Variants in MRPS35 observed in about 807,000 individuals in gnomAD.
The protein encoded by MRPS35 is small ribosomal subunit protein mS35.
MRPS35 carries 29 observed loss-of-function variants against 32.7 expected under a neutral mutation model. That is an observed-to-expected ratio of 0.89 (90% CI 0.66 to 1.21). The LOEUF is 1.21. Ranked by LOEUF, MRPS35 falls within the 50% of genes most tolerant of loss-of-function variation. The pLI is 0.00. For missense variants in MRPS35, 373 were observed against 383.8 expected, an observed-to-expected ratio of 0.97 and a Z score of 0.23; for synonymous variants, 148 against 139.3, an observed-to-expected ratio of 1.06 and a Z score of -0.44.
At chr12:27,716,641 G>A (rs983972269) in intron 3 of MRPS35, among the ~76,000 whole-genome samples, 183 bp downstream of exon 3, 1 of 152,170 alleles carries the variant, frequency 6.6e-6, no homozygotes, top group African/African-American at 2.4e-5. Context: ...AATAGGTGTT[G>A]TATTTTGATT....
chr12:27,722,041 A>T (rs1440021462), intron 4 of MRPS35, among the ~76,000 whole-genome samples: 1 of 152,216 alleles, frequency 6.6e-6, no homozygotes, highest in Non-Finnish European at 1.5e-5. Flanking sequence ...AAAATAAAAA[A>T]GTTTAAAAAA....
rs1196877667 is a variant in MRPS35 at position 27,755,179 on chromosome 12, A to G, written c.703-2A>G. The G allele has an allele frequency of 1.3e-6, 2 of 1,505,466 alleles. No individual in the cohort carries two copies. Among genetic ancestry groups the G allele is most frequent in the Non-Finnish European group, 1.8e-6 (2 of 1,132,338 alleles). 93.3% of individuals were successfully genotyped at this position (1,505,466 alleles called of 1,614,324 possible). ...ATTTTTTTTTGTTTTGTTTTGTTTCAGAATACTGAAGAATGGGAAAAAAGT... is the reference window on the plus strand; with the variant it reads ...ATTTTTTTTTGTTTTGTTTTGTTTCGGAATACTGAAGAATGGGAAAAAAGT... On this transcript the variant is annotated splice_acceptor_variant, in intron 7 of 7. Transcript: ENST00000081029. LOFTEE classifies it high-confidence loss of function.
chr12:27,745,017 G>A (rs35622515), intron 7 of MRPS35, among the ~76,000 whole-genome samples: 6 of 152,038 alleles, frequency 3.9e-5, no homozygotes, highest in East Asian at 1.9e-4. Context: ...GTGCAGTGGC[G>A]TGATCTCGGC....
intron 7 of MRPS35, among the ~76,000 whole-genome samples, chr12:27,747,834 C>T (rs945675646): frequency 6.6e-6 from 1 of 152,106 alleles, no homozygotes; most frequent in Non-Finnish European, 1.5e-5. Flanking sequence ...AAAAGAGGTT[C>T]AAGTTATGTT....
intron 7 of MRPS35, among the ~76,000 whole-genome samples, chr12:27,754,647 G>A (rs1280141737): frequency 3.3e-5 from 5 of 150,902 alleles, no homozygotes; most frequent in African/African-American, 1.2e-4. Context: ...GGCGCCTGTA[G>A]TCCCAGCTAC....
rs764103720 is a variant in MRPS35, at chr12:27,710,909, C to G, written c.66C>G (p.Phe22Leu). Residue 22 changes from phenylalanine to leucine, a missense_variant, in exon 1 of 8, where the codon TTC becomes TTG. Phe to Leu is a conservative substitution (Grantham distance 22, BLOSUM62 0). Coordinates refer to ENST00000081029, the MANE Select transcript of MRPS35 (RefSeq NM_021821.4). The part of the protein sequence containing the change: ...LQSRARTLRA[F>L]STAVYSATPV... ...CGAGGGCAAGGACTCTGCGTGCATT[C>G]TCCACTGCCGTCTACTCGGCCACTC... 6.2e-7 allele frequency: 1 copy of G among 1,613,260 alleles called. No individual in the cohort carries two copies. Among genetic ancestry groups the G allele is most frequent in the Non-Finnish European group, 8.5e-7 (1 of 1,179,918 alleles).
At chr12:27,723,919 G>A in intron 4 of MRPS35, 128 bp from the exon 5 acceptor site, 1 of 855,990 alleles carries the variant, frequency 1.2e-6, no homozygotes, top group Non-Finnish European at 1.8e-6. Flanking sequence ...TATGTAAAGT[G>A]CAGAAGAGAA....
intron 5 of MRPS35, 109 bp downstream of exon 5, chr12:27,724,295 T>C (rs1259915119): frequency 6.0e-6 from 6 of 1,004,202 alleles, no homozygotes; most frequent in Middle Eastern, 3.0e-4. Context: ...TCCCAGCACT[T>C]TGGGAGGCCA....
intron 4 of MRPS35, among the ~76,000 whole-genome samples, chr12:27,722,990 C>T (rs1467892241): frequency 6.6e-6 from 1 of 152,208 alleles, no homozygotes; most frequent in Non-Finnish European, 1.5e-5. Flanking sequence ...AGAGCTCCCA[C>T]ATCTGCCTGT....
At chr12:27,741,342 CTATT>C (rs1182814768) in intron 7 of MRPS35, among the ~76,000 whole-genome samples, 2 of 151,608 alleles carry the variant, frequency 1.3e-5, no homozygotes, top group African/African-American at 4.9e-5. Flanking sequence ...ATAGCCTCGA[CTATT>C]TAACCTCTGA....
intron 2 of MRPS35, among the ~76,000 whole-genome samples, chr12:27,716,062 G>A (rs2140753006): frequency 1.3e-5 from 2 of 152,272 alleles, no homozygotes; most frequent in Middle Eastern, 6.8e-3. Context: ...TGATATTAAA[G>A]GGGATCCTTG....
chr12:27,725,522 G>T, intron 5 of MRPS35: 1 of 184,696 alleles, frequency 5.4e-6, no homozygotes, highest in Non-Finnish European at 1.1e-5. Flanking sequence ...AGAACTATGA[G>T]GTCAAAGGAT....
At chr12:27,750,735 G>GT (rs2061998611) in intron 7 of MRPS35, among the ~76,000 whole-genome samples, 1 of 152,170 alleles carries the variant, frequency 6.6e-6, no homozygotes, top group African/African-American at 2.4e-5. Flanking sequence ...AGCTTAGGAA[G>GT]TTGAGGCTGC....
chr12:27,751,309 C>G (rs1447607677), intron 7 of MRPS35, among the ~76,000 whole-genome samples: 1 of 152,060 alleles, frequency 6.6e-6, no homozygotes, highest in African/African-American at 2.4e-5. Context: ...ATACATTATT[C>G]CATAGTGCAG....
intron 5 of MRPS35, among the ~76,000 whole-genome samples, chr12:27,733,883 TA>T (rs2061932065): frequency 6.6e-6 from 1 of 152,230 alleles, no homozygotes; most frequent in Non-Finnish European, 1.5e-5. Flanking sequence ...CACAGTGCTT[TA>T]AAAAACAATA....
intron 3 of MRPS35, among the ~76,000 whole-genome samples, 157 bp from the exon 4 acceptor site, chr12:27,719,651 C>A (rs569764636): frequency 1.4e-5 from 2 of 144,258 alleles, no homozygotes; most frequent in Non-Finnish European, 3.0e-5. Context: ...CCGGCCTGGG[C>A]GACAGAGCGA....
intron 5 of MRPS35, among the ~76,000 whole-genome samples, chr12:27,726,093 A>C (rs2061899419): frequency 6.6e-6 from 1 of 151,966 alleles, no homozygotes; most frequent in Admixed American, 6.5e-5. Context: ...TACAGATGTG[A>C]GCCACCACTA....
intron 7 of MRPS35, among the ~76,000 whole-genome samples, chr12:27,751,085 AGAGT>A (rs1469258878): frequency 7.7e-6 from 1 of 129,830 alleles, no homozygotes; most frequent in East Asian, 2.6e-4. Flanking sequence ...CCTGGGTGAC[AGAGT>A]GAGACTCCAT....
At position 27,755,494 on chromosome 12, in the gene MRPS35, AT is replaced by A; in HGVS notation, c.*45del. ...CTGCTTGATTTATTAATTTTATGAT[AT>A]ATGTGATCAGTATCTAATTTGATAT... On this transcript the variant is annotated 3_prime_UTR_variant, in exon 8 of 8. Coordinates refer to ENST00000081029, the MANE Select transcript of MRPS35 (RefSeq NM_021821.4). The A allele has an allele frequency of 6.9e-7, 1 of 1,440,342 alleles. No individual in the cohort carries two copies. The highest frequency in any genetic ancestry group is 9.3e-7 in the Non-Finnish European group (1 of 1,080,830). 89.2% of individuals were successfully genotyped at this position (1,440,342 alleles called of 1,614,324 possible).
Sources: gnomAD v4.1 joint callset for allele counts (sites outside exome capture counted in the v4.1 genomes callset) on GRCh38, gnomAD v4.1.1 for gene constraint, MANE v1.5 for transcripts, NCBI Gene and HGNC (gene_info 2026-07-23, HGNC 2026-07-21) for gene names.